Variants in TSPAN18 observed in about 807,000 individuals in gnomAD.
TSPAN18 encodes tetraspanin-18.
In TSPAN18, 14 loss-of-function variants were observed where a neutral mutation model predicts 27.3. That is an observed-to-expected ratio of 0.51 (90% CI 0.34 to 0.80). The LOEUF (loss-of-function observed/expected upper bound fraction) is 0.80. Among genes scored for constraint, TSPAN18 ranks in the 30% least tolerant of loss-of-function variants. The pLI is 0.01. For synonymous variants in TSPAN18, 143 were observed against 136.5 expected (o/e 1.05, Z -0.33); for missense variants, 268 against 323.9 (o/e 0.83, Z 1.32).
At chr11:44,744,039 A>G (rs1278305631) in intron 1 of TSPAN18, among the ~76,000 whole-genome samples, 1 of 152,142 alleles carries the variant, frequency 6.6e-6, no homozygotes, top group Admixed American at 6.5e-5. Context: ...GGTTGAGGGG[A>G]GAAAATGAGA....
chr11:44,799,590 A>G (rs908989456), intron 2 of TSPAN18, among the ~76,000 whole-genome samples: 16 of 152,088 alleles, frequency 1.1e-4, no homozygotes, highest in African/African-American at 3.9e-4. Context: ...TCCCAGGCCT[A>G]TTGCGTGGGG....
chr11:44,800,006 G>GTTTTTTTTTTTTTTTT (rs60067559), intron 2 of TSPAN18, among the ~76,000 whole-genome samples: 3 of 109,398 alleles, frequency 2.7e-5, no homozygotes, highest in Non-Finnish European at 3.6e-5. Context: ...AATTTTTTGT[G>GTTTTTTTTTTTTTTTT]TTTTTTTTTT....
chr11:44,833,631 A>G (rs1469967152), intron 2 of TSPAN18, among the ~76,000 whole-genome samples: 1 of 152,146 alleles, frequency 6.6e-6, no homozygotes, highest in Non-Finnish European at 1.5e-5. Flanking sequence ...TGCGGTGGCT[A>G]AATGTCACTA....
intron 3 of TSPAN18, among the ~76,000 whole-genome samples, chr11:44,891,092 G>A (rs1858835089): frequency 1.3e-5 from 2 of 152,140 alleles, no homozygotes; most frequent in South Asian, 4.1e-4. Flanking sequence ...GATTCCTTGA[G>A]TCCAGAAGTT....
intron 2 of TSPAN18, among the ~76,000 whole-genome samples, chr11:44,837,755 C>G (rs1263644604): frequency 6.6e-6 from 1 of 152,232 alleles, no homozygotes; most frequent in Non-Finnish European, 1.5e-5. Context: ...GACCATCCAC[C>G]AGCAAAAACA....
At position 44,905,296 on chromosome 11, in the gene TSPAN18, C is replaced by G. The variant is rs188126205; in HGVS notation, c.-10-1111C>G. 1.9e-4 allele frequency among the ~76,000 whole-genome samples: 29 copies of G among 152,244 alleles called. 1 individual carries two copies. In the East Asian group the frequency reaches 5.2e-3, roughly 27 times the overall value. On this transcript the variant is annotated intron_variant, in intron 3 of 9. Transcript: ENST00000520358. ...CCATCTCCCCTACATCCATCCACAC[C>G]CCAACACATATTCCCAGAACCCTTT...
Position 44,929,844 on chromosome 11 carries a change from A to T in TSPAN18, c.*666A>T, listed in dbSNP as rs1325990678. 6.6e-6 allele frequency: 1 copy of T among 152,480 alleles called. No homozygotes were observed. The highest frequency in any genetic ancestry group is 2.4e-5 in the African/African-American group (1 of 41,452). The allele number at this position is 152,480 out of a possible 1,614,324, so 9.4% of individuals were successfully genotyped here. A position where few individuals can be genotyped will look rare whatever the true frequency, so the allele number is the denominator to read the frequency against. On this transcript the variant is annotated 3_prime_UTR_variant, in exon 10 of 10. Transcript: ENST00000520358. ...CACAGACACACAGCACAGGCGTGACAGTTCTGAAAAGAAGCTGAGTTGTCT... is the reference window on the plus strand; with the variant it reads ...CACAGACACACAGCACAGGCGTGACTGTTCTGAAAAGAAGCTGAGTTGTCT...
intron 3 of TSPAN18, among the ~76,000 whole-genome samples, chr11:44,884,389 C>G (rs919968078): frequency 6.6e-6 from 1 of 152,184 alleles, no homozygotes; most frequent in African/African-American, 2.4e-5. Flanking sequence ...AAGCTCTGTT[C>G]CCATGTGGTA....
At chr11:44,880,703 C>A (rs550914858) in intron 3 of TSPAN18, among the ~76,000 whole-genome samples, 3 of 152,372 alleles carry the variant, frequency 2.0e-5, no homozygotes, top group Non-Finnish European at 4.4e-5. Flanking sequence ...TCAGAGCGAT[C>A]ATCTGTGCAT....
chr11:44,862,214 G>C (rs1043759049), intron 3 of TSPAN18, among the ~76,000 whole-genome samples: 8 of 152,254 alleles, frequency 5.3e-5, no homozygotes, highest in African/African-American at 1.9e-4. Context: ...CACGTGGCCA[G>C]GCCAGCCTGG....
chr11:44,821,283 T>C (rs1438544239), intron 2 of TSPAN18, among the ~76,000 whole-genome samples: 1 of 152,192 alleles, frequency 6.6e-6, no homozygotes, highest in African/African-American at 2.4e-5. Context: ...GTAGTCCTTT[T>C]TAAGGTCAAA....
intron 2 of TSPAN18, among the ~76,000 whole-genome samples, chr11:44,804,866 A>G (rs563440857): frequency 6.6e-6 from 1 of 152,342 alleles, no homozygotes; most frequent in African/African-American, 2.4e-5. Flanking sequence ...CCACCCCATT[A>G]TGAGTTCCGA....
chr11:44,908,056 GAAA>G (rs386373739), intron 4 of TSPAN18, among the ~76,000 whole-genome samples: 3 of 124,962 alleles, frequency 2.4e-5, no homozygotes, highest in Non-Finnish European at 3.3e-5. Context: ...CTCCGTCTCA[GAAA>G]AAAAAAAAAA....
intron 3 of TSPAN18, among the ~76,000 whole-genome samples, chr11:44,871,279 T>C (rs2135238399): frequency 1.3e-5 from 2 of 152,298 alleles, no homozygotes; most frequent in Middle Eastern, 6.8e-3. Context: ...GTAGGGTTCC[T>C]GGTGAAGGCC....
chr11:44,839,094 A>G (rs1857317578), intron 2 of TSPAN18, among the ~76,000 whole-genome samples: 1 of 152,232 alleles, frequency 6.6e-6, no homozygotes, highest in African/African-American at 2.4e-5. Context: ...GTTTCCCACA[A>G]AACAAGGAAT....
At chr11:44,753,757 C>T (rs1855266642) in intron 1 of TSPAN18, among the ~76,000 whole-genome samples, 1 of 152,180 alleles carries the variant, frequency 6.6e-6, no homozygotes, top group Admixed American at 6.5e-5. Context: ...TCGTCAGTTA[C>T]AAAAGGATGA....
chr11:44,815,996 A>C (rs1312892973), intron 2 of TSPAN18, among the ~76,000 whole-genome samples: 1 of 152,222 alleles, frequency 6.6e-6, no homozygotes, highest in Non-Finnish European at 1.5e-5. Flanking sequence ...GCACAAATGC[A>C]GTGGGGAAAG....
chr11:44,742,057 C>T (rs1854950063), intron 1 of TSPAN18, among the ~76,000 whole-genome samples: 1 of 151,896 alleles, frequency 6.6e-6, no homozygotes, highest in South Asian at 2.1e-4. Flanking sequence ...CTCCATTTTA[C>T]AGAATGGAAA....
At chr11:44,743,223 CT>C (rs1304449261) in intron 1 of TSPAN18, among the ~76,000 whole-genome samples, 1 of 152,142 alleles carries the variant, frequency 6.6e-6, no homozygotes, top group Admixed American at 6.5e-5. Flanking sequence ...AGGCCCTGAA[CT>C]TGGTGATGGC....
Sources: gnomAD v4.1 joint callset for allele counts (sites outside exome capture counted in the v4.1 genomes callset) on GRCh38, gnomAD v4.1.1 for gene constraint, MANE v1.5 for transcripts, NCBI Gene and HGNC (gene_info 2026-07-23, HGNC 2026-07-21) for gene names.